The following HKDC1 variants were observed in gnomAD, a reference collection of about 807,000 sequenced individuals.
HKDC1 encodes the protein hexokinase HKDC1.
In HKDC1, 66 loss-of-function variants were observed where a neutral mutation model predicts 96.6. The observed-to-expected ratio is 0.68, with a 90% CI of 0.56 to 0.84. HKDC1 has a LOEUF of 0.84. Among genes scored for constraint, HKDC1 ranks in the 40% least tolerant of loss-of-function variants. The probability of loss-of-function intolerance (pLI) is 0.00; values close to 1 mark genes in which losing one functional copy is unlikely to be tolerated. For synonymous variants in HKDC1, 466 were observed against 473.1 expected, an observed-to-expected ratio of 0.98 and a Z score of 0.20; for missense variants, 1,211 against 1,208.1, an observed-to-expected ratio of 1.00 and a Z score of -0.04.
intron 7 of HKDC1, 24 bp downstream of exon 7, chr10:69,243,389 TG>T (rs1294557946): frequency 1.3e-6 from 2 of 1,538,848 alleles, no homozygotes; most frequent in Non-Finnish European, 8.8e-7. Context: ...TGGTGTTATC[TG>T]GGCATCGGCA....
rs1357638289 is a variant in HKDC1 at position 69,239,150 on chromosome 10, C to T, written c.591+13C>T. 1.2e-6 allele frequency: 2 copies of T among 1,606,162 alleles called. No individual in the cohort carries two copies. The highest frequency in any genetic ancestry group is 1.3e-5 in the African/African-American group (1 of 74,752). ...GAGAAGACACAAGGTGAGGAATTCACCTCGGTGTGGGAGGCTCTCCCAGCC... is the reference window on the plus strand; with the variant it reads ...GAGAAGACACAAGGTGAGGAATTCATCTCGGTGTGGGAGGCTCTCCCAGCC... On this transcript the variant is annotated intron_variant, in intron 5 of 17. Coordinates refer to ENST00000354624, the MANE Select transcript of HKDC1 (RefSeq NM_025130.4).
chr10:69,257,000 C>T (rs1281380672), intron 12 of HKDC1, 36 bp from the exon 13 acceptor site: 3 of 1,529,746 alleles, frequency 2.0e-6, no homozygotes, highest in Middle Eastern at 1.7e-4. Context: ...CCCTAGCAAA[C>T]TATTGCTCAA....
chr10:69,266,740 G>T lies in HKDC1; in HGVS notation c.2737G>T (p.Ala913Ser). 1 of 1,612,342 alleles carries T rather than the reference G, an allele frequency of 6.2e-7. No individual in the cohort carries two copies. The highest frequency in any genetic ancestry group is 8.5e-7 in the Non-Finnish European group (1 of 1,179,436). ...TGCTGTGGCCAAGAGGTTACAGCAG[G>T]CACAGAAGGAGAACTAGGAACCCCT... The part of the protein sequence containing the change: ...ITAVAKRLQQ[A>S]QKEN Residue 913 changes from alanine (A) to serine (S), a missense_variant, in exon 18 of 18, where the codon GCA becomes TCA. Physicochemically the swap from Ala to Ser is moderately conservative, Grantham distance 99. Transcript: ENST00000354624.
chr10:69,242,928 C>T (rs534780308), intron 6 of HKDC1, among the ~76,000 whole-genome samples: 187 of 152,350 alleles, frequency 1.2e-3, no homozygotes, highest in African/African-American at 4.2e-3. Flanking sequence ...TATTCATCAG[C>T]GGACTTCTTC....
intron 4 of HKDC1, among the ~76,000 whole-genome samples, chr10:69,237,002 T>G (rs1356722998): frequency 2.6e-5 from 4 of 151,718 alleles, no homozygotes; most frequent in Admixed American, 2.0e-4. Flanking sequence ...GCTGCAGGAG[T>G]GGGTTCGGTA....
At chr10:69,260,159 A>G (rs1012296171) in intron 15 of HKDC1, among the ~76,000 whole-genome samples, 1 of 152,196 alleles carries the variant, frequency 6.6e-6, no homozygotes, top group Non-Finnish European at 1.5e-5. Context: ...GCAGATGGGA[A>G]ATGTGAGGGG....
At chr10:69,227,029 A>C (rs1238415126) in intron 1 of HKDC1, among the ~76,000 whole-genome samples, 178 bp from the exon 2 acceptor site, 1 of 151,986 alleles carries the variant, frequency 6.6e-6, no homozygotes, top group Non-Finnish European at 1.5e-5. Flanking sequence ...TGCTTTCCTA[A>C]CTCGCTTCCC....
chr10:69,237,198 A>T (rs1843374734), intron 4 of HKDC1, among the ~76,000 whole-genome samples: 1 of 152,166 alleles, frequency 6.6e-6, no homozygotes, highest in Non-Finnish European at 1.5e-5. Flanking sequence ...CATCATGAGC[A>T]TAAGAATTAA....
rs1011566124 is a variant in HKDC1, at chr10:69,233,118, G to C, written c.480G>C (p.Gln160His). The change falls in exon 4 of 18, where the codon CAG (glutamine) becomes CAC (histidine). Residue 160 changes from glutamine to histidine, a missense_variant. Gln to His is a conservative substitution (Grantham distance 24). Coordinates refer to ENST00000354624, the MANE Select transcript of HKDC1 (RefSeq NM_025130.4). ...LGLTFSFPCR[Q>H]TKLEEGVLLS... Reference sequence around the variant, plus strand: ...TAACTTTTTCTTTCCCCTGTCGACAGACTAAACTGGAAGAGGTAAGGCGCG... The same window carrying C: ...TAACTTTTTCTTTCCCCTGTCGACACACTAAACTGGAAGAGGTAAGGCGCG... 3.7e-6 allele frequency: 6 copies of C among 1,613,896 alleles called. No individual in the cohort carries two copies. In the African/African-American group the frequency reaches 5.3e-5, roughly 14 times the overall value.
chr10:69,256,943 C>A, intron 12 of HKDC1, 93 bp from the exon 13 acceptor site: 2 of 939,276 alleles, frequency 2.1e-6, no homozygotes, highest in Non-Finnish European at 3.5e-6. Context: ...TGACAAGCAG[C>A]CAGCTATAGT....
chr10:69,223,578 A>ATTTTTTTTTTTTTT (rs60016100), intron 1 of HKDC1, among the ~76,000 whole-genome samples: 1 of 85,580 alleles, frequency 1.2e-5, no homozygotes, highest in African/African-American at 4.8e-5. Context: ...CCACAATCTA[A>ATTTTTTTTTTTTTT]TTTTTTTTTT....
intron 16 of HKDC1, among the ~76,000 whole-genome samples, chr10:69,264,940 T>A (rs1261812382): frequency 2.0e-5 from 3 of 152,234 alleles, no homozygotes; most frequent in Non-Finnish European, 2.9e-5. Flanking sequence ...TTTCTCTGCA[T>A]GTGTTTACAG....
intron 1 of HKDC1, 116 bp from the exon 2 acceptor site, chr10:69,227,091 T>G: frequency 8.5e-7 from 1 of 1,172,242 alleles, no homozygotes; most frequent in Non-Finnish European, 1.2e-6. Flanking sequence ...AATCCACATC[T>G]CAATGCTGTC....
Position 69,258,637 on chromosome 10 carries a change from G to C in HKDC1, c.2033-139G>C, listed in dbSNP as rs1160333903. 13 of 831,840 alleles carry C rather than the reference G, an allele frequency of 1.6e-5. No homozygotes were observed. The East Asian group carries it at 3.0e-4, about 19-fold the overall frequency. The allele number at this position is 831,840 out of a possible 1,614,324, so 51.5% of individuals were successfully genotyped here. On this transcript the variant is annotated intron_variant, in intron 14 of 17. Transcript: ENST00000354624. ...AAGATGAGATGCTTGCCCAAGGTTA[G>C]CCAGCTATGACTGTAAAGCTGGAAT...
intron 12 of HKDC1, among the ~76,000 whole-genome samples, chr10:69,254,022 G>A (rs942724518): frequency 2.0e-5 from 3 of 152,200 alleles, no homozygotes; most frequent in African/African-American, 7.2e-5. Flanking sequence ...ATTTTGTCCA[G>A]GGCCAGGAGC....
chr10:69,244,466 G>A (rs565471415), intron 7 of HKDC1, among the ~76,000 whole-genome samples: 24 of 152,310 alleles, frequency 1.6e-4, no homozygotes, highest in Non-Finnish European at 2.8e-4. Context: ...TCCCAAGGAC[G>A]TGGTGTCCAT....
chr10:69,241,579 G>A (rs1200374920), intron 6 of HKDC1, among the ~76,000 whole-genome samples: 3 of 152,148 alleles, frequency 2.0e-5, no homozygotes, highest in African/African-American at 7.2e-5. Flanking sequence ...TGCCTCCCAG[G>A]CTCAAGCAAT....
intron 2 of HKDC1, among the ~76,000 whole-genome samples, chr10:69,230,499 C>T (rs966240389): frequency 6.6e-6 from 1 of 152,184 alleles, no homozygotes; most frequent in Non-Finnish European, 1.5e-5. Context: ...GTGAAGGCAC[C>T]AGCACCAGCA....
chr10:69,232,032 G>A (rs72812197), intron 2 of HKDC1, among the ~76,000 whole-genome samples: 21,293 of 152,180 alleles, frequency 0.14, 2,002 homozygotes, highest in Non-Finnish European at 0.19. Flanking sequence ...AGCAACAGCA[G>A]CAACATCACC....
Sources: allele counts gnomAD v4.1 joint callset (sites outside exome capture counted in the v4.1 genomes callset), GRCh38; gene constraint gnomAD v4.1.1; transcripts MANE v1.5; gene names NCBI Gene and HGNC (gene_info 2026-07-23, HGNC 2026-07-21).